The following RBBP8 variants were observed in gnomAD, a reference collection of about 807,000 sequenced individuals.
RBBP8 encodes the protein RB binding protein 8, endonuclease, also known as DNA endonuclease RBBP8.
A neutral mutation model predicts 108.3 loss-of-function variants in RBBP8; 88 were observed. That is an observed-to-expected ratio of 0.81 (90% CI 0.68 to 0.97). The LOEUF (loss-of-function observed/expected upper bound fraction) is 0.97, where lower values mean the gene tolerates loss of function less well. Ranked by LOEUF, RBBP8 falls within the 50% of genes least tolerant of loss-of-function variation. The pLI is 0.00. For missense variants in RBBP8, 1,023 were observed against 1,049.0 expected, an observed-to-expected ratio of 0.98 and a Z score of 0.34; for synonymous variants, 332 against 348.2, an observed-to-expected ratio of 0.95 and a Z score of 0.52.
At chr18:22,933,157 CG>C (rs1215810835), upstream of RBBP8, among the ~76,000 whole-genome samples, 1 of 152,230 alleles carries the variant, frequency 6.6e-6, no homozygotes, top group African/African-American at 2.4e-5. Context: ...AATGCTGTGG[CG>C]GTCGCCAGAC....
chr18:22,964,937 G>A (rs901008300), intron 4 of RBBP8, among the ~76,000 whole-genome samples: 7 of 151,800 alleles, frequency 4.6e-5, no homozygotes, highest in Admixed American at 3.3e-4. Flanking sequence ...ATAGGTTCTT[G>A]GAAACTATGA....
At chr18:22,962,948 T>A (rs1013413285) in intron 4 of RBBP8, among the ~76,000 whole-genome samples, 2 of 152,040 alleles carry the variant, frequency 1.3e-5, no homozygotes, top group African/African-American at 4.8e-5. Flanking sequence ...TACTTTACTT[T>A]CCCTTTTTTT....
intron 1 of RBBP8, among the ~76,000 whole-genome samples, chr18:22,936,168 C>T (rs1910561756): frequency 6.6e-6 from 1 of 152,090 alleles, no homozygotes; most frequent in Non-Finnish European, 1.5e-5. Context: ...GTGGCACGAT[C>T]TCCGCTCACT....
intron 1 of RBBP8, among the ~76,000 whole-genome samples, chr18:22,936,472 A>G (rs1325993970): frequency 6.6e-6 from 1 of 152,168 alleles, no homozygotes; most frequent in African/African-American, 2.4e-5. Flanking sequence ...CAATATCTGA[A>G]TCCTTTCTGT....
chr18:23,014,857 A>G (rs956264922), intron 16 of RBBP8, among the ~76,000 whole-genome samples: 1 of 151,524 alleles, frequency 6.6e-6, no homozygotes, highest in African/African-American at 2.4e-5. Context: ...GCATAAGGTA[A>G]TTTTTCTTTT....
At chr18:22,979,330 T>A (rs1423708588) in intron 6 of RBBP8, among the ~76,000 whole-genome samples, 4 of 152,042 alleles carry the variant, frequency 2.6e-5, no homozygotes, top group African/African-American at 2.4e-5. Flanking sequence ...GTTTATTTTA[T>A]TTAAAATTTA....
chr18:22,988,929 A>G (rs1915503305), intron 8 of RBBP8, among the ~76,000 whole-genome samples: 1 of 152,204 alleles, frequency 6.6e-6, no homozygotes, highest in Non-Finnish European at 1.5e-5. Context: ...AATCCATTTT[A>G]AGATTTTTTT....
intron 4 of RBBP8, among the ~76,000 whole-genome samples, chr18:22,963,556 C>G (rs1913299806): frequency 6.6e-6 from 1 of 152,136 alleles, no homozygotes; most frequent in Non-Finnish European, 1.5e-5. Flanking sequence ...ACAGATCTGT[C>G]TCAGAGGCTC....
At chr18:22,938,462 C>CA (rs1441580043) in intron 2 of RBBP8, among the ~76,000 whole-genome samples, 1 of 152,186 alleles carries the variant, frequency 6.6e-6, no homozygotes, top group Non-Finnish European at 1.5e-5. Flanking sequence ...GCTAGGATTA[C>CA]AGGCGTGAGC....
intron 2 of RBBP8, among the ~76,000 whole-genome samples, chr18:22,941,676 A>T (rs1894513538): frequency 6.6e-6 from 1 of 152,042 alleles, no homozygotes; most frequent in Non-Finnish European, 1.5e-5. Context: ...GTAGTAGATA[A>T]TTCCTTTAAA....
rs1240545058 is a variant in RBBP8 at position 22,992,770 on chromosome 18, A to C, written c.943A>C (p.Thr315Pro). 1 of 1,592,478 alleles carries C rather than the reference A, an allele frequency of 6.3e-7. No homozygotes were observed. Among genetic ancestry groups the C allele is most frequent in the South Asian group, 1.1e-5 (1 of 90,518 alleles). Residue 315 changes from threonine to proline, a missense_variant, in exon 11 of 19, where the codon ACT becomes CCT. By Grantham distance (38) the Thr-to-Pro change is conservative. Coordinates refer to ENST00000327155, the MANE Select transcript of RBBP8 (RefSeq NM_002894.3). ...TAGATTTTCAGATTCTACTTCAAAG[A>C]CTCCTCCTCAAGAAGAATTACCTAC... ...SLRFSDSTSK[T>P]PPQEELPTRV...
chr18:22,992,542 A>C (rs1915769630), intron 10 of RBBP8, among the ~76,000 whole-genome samples: 1 of 152,138 alleles, frequency 6.6e-6, no homozygotes, highest in African/African-American at 2.4e-5. Flanking sequence ...ACTTAGGAAA[A>C]ATTTTTAAAA....
At position 23,016,947 on chromosome 18, in the gene RBBP8, A is replaced by G. The variant is rs761469003; in HGVS notation, c.2454+23A>G. ...ATTGTAAGTACTAATGTAGATACTAATTTTTTTTTAAGTACGGCTTTATAG... is the reference window on the plus strand; with the variant it reads ...ATTGTAAGTACTAATGTAGATACTAGTTTTTTTTTAAGTACGGCTTTATAG... On this transcript the variant is annotated intron_variant, in intron 17 of 18. Transcript: ENST00000327155. 28 of 1,520,702 alleles carry G rather than the reference A, an allele frequency of 1.8e-5. 2 individuals are homozygous for G. The South Asian group carries it at 3.0e-4, about 16-fold the overall frequency. The allele number at this position is 1,520,702 out of a possible 1,614,324, so 94.2% of individuals were successfully genotyped here.
chr18:23,004,694 A>G (rs995312202), intron 15 of RBBP8: 1 of 152,186 alleles, frequency 6.6e-6, no homozygotes, highest in Non-Finnish European at 1.5e-5. Flanking sequence ...TTTGGCATCA[A>G]TATGGTGACC....
chr18:23,018,932 C>T (rs551491275), intron 17 of RBBP8, among the ~76,000 whole-genome samples: 91 of 152,232 alleles, frequency 6.0e-4, no homozygotes, highest in African/African-American at 2.0e-3. Flanking sequence ...TTTTAACATA[C>T]GGGCTAGAAA....
intron 3 of RBBP8, among the ~76,000 whole-genome samples, chr18:22,947,811 C>T (rs1486612619): frequency 6.6e-6 from 1 of 152,026 alleles, no homozygotes; most frequent in Non-Finnish European, 1.5e-5. Context: ...TTAGTAAATG[C>T]TCTTTATGTT....
intron 13 of RBBP8, 21 bp from the exon 14 acceptor site, chr18:22,997,599 A>AT: frequency 6.8e-7 from 1 of 1,464,052 alleles, no homozygotes; most frequent in Non-Finnish European, 9.4e-7. Flanking sequence ...AAAATTTTTG[A>AT]TTTTTAAAAT....
chr18:22,981,210 T>C (rs1393504365), intron 6 of RBBP8, among the ~76,000 whole-genome samples: 1 of 151,352 alleles, frequency 6.6e-6, no homozygotes, highest in Non-Finnish European at 1.5e-5. Flanking sequence ...GACCTTGTGA[T>C]CTGCCCGTCT....
intron 9 of RBBP8, 76 bp from the exon 10 acceptor site, chr18:22,990,859 CAT>C: frequency 2.8e-6 from 3 of 1,066,602 alleles, no homozygotes; most frequent in Non-Finnish European, 4.3e-6. Flanking sequence ...TACATCATAA[CAT>C]ATATCAGTAC....
Sources: gnomAD v4.1 joint callset for allele counts (sites outside exome capture counted in the v4.1 genomes callset) on GRCh38, gnomAD v4.1.1 for gene constraint, MANE v1.5 for transcripts, NCBI Gene and HGNC (gene_info 2026-07-23, HGNC 2026-07-21) for gene names.